Variants in CUBN observed in about 807,000 individuals in gnomAD.
The protein encoded by CUBN is cubilin, also known as 460 kDa receptor.
CUBN carries 282 observed loss-of-function variants against 405.3 expected under a neutral mutation model. The observed-to-expected ratio is 0.70, with a 90% CI of 0.63 to 0.77. CUBN has a LOEUF of 0.77. Ranked by LOEUF, CUBN falls within the 30% of genes least tolerant of loss-of-function variation. The pLI is 0.00. For synonymous variants in CUBN, 1,684 were observed against 1,617.0 expected (o/e 1.04, Z -0.99); for missense variants, 4,514 against 4,475.2 (o/e 1.01, Z -0.25).
At chr10:17,048,637 C>A (rs1028193288) in intron 22 of CUBN, among the ~76,000 whole-genome samples, 11 of 152,008 alleles carry the variant, frequency 7.2e-5, no homozygotes, top group Non-Finnish European at 1.5e-4. Context: ...ACCACCATGC[C>A]CAGCAAATAA....
intron 24 of CUBN, 152 bp from the exon 25 acceptor site, chr10:17,045,340 T>C (rs1835106437): frequency 1.3e-6 from 1 of 752,968 alleles, no homozygotes; most frequent in African/African-American, 1.8e-5. Flanking sequence ...AGCCTAAAAA[T>C]CCAATTTTTA....
intron 58 of CUBN, among the ~76,000 whole-genome samples, chr10:16,873,731 A>AG (rs1161976209): frequency 6.6e-6 from 1 of 151,764 alleles, no homozygotes; most frequent in East Asian, 1.9e-4. Flanking sequence ...CAAAAAAAAA[A>AG]AAAAAAGAAA....
chr10:16,827,313 C>A (rs561999332), intron 66 of CUBN, among the ~76,000 whole-genome samples: 85 of 152,142 alleles, frequency 5.6e-4, no homozygotes, highest in Non-Finnish European at 8.5e-4. Flanking sequence ...GTAGAAAAAA[C>A]ACACCATCAA....
Position 17,120,011 on chromosome 10 carries a change from T to G in CUBN, c.593+2784A>C, listed in dbSNP as rs540963781. ...GTCCAAGTAAAAGAGCTCAAAGAGT[T>G]AAAGAAACTGAATGAGGTCCAAACT... is the stretch of plus-strand genomic sequence containing the variant. On this transcript the variant is annotated intron_variant, in intron 6 of 66. Coordinates refer to ENST00000377833, the MANE Select transcript of CUBN (RefSeq NM_001081.4). 9.8e-5 allele frequency among the ~76,000 whole-genome samples: 15 copies of G among 152,322 alleles called. 1 individual carries two copies. Among genetic ancestry groups the G allele is most frequent in the Middle Eastern group, 3.4e-3 (1 of 294 alleles).
intron 59 of CUBN, among the ~76,000 whole-genome samples, chr10:16,867,941 T>C (rs770541506): frequency 2.6e-5 from 4 of 152,152 alleles, no homozygotes; most frequent in Non-Finnish European, 5.9e-5. Context: ...TGTGAGACTA[T>C]ATTAGGAAAA....
intron 57 of CUBN, among the ~76,000 whole-genome samples, chr10:16,874,876 C>A (rs1162956910): frequency 6.6e-6 from 1 of 152,008 alleles, no homozygotes; most frequent in East Asian, 1.9e-4. Flanking sequence ...ACGGAAAAGG[C>A]GGCCAGAATG....
intron 54 of CUBN, among the ~76,000 whole-genome samples, chr10:16,894,005 G>T (rs535715792): frequency 2.0e-5 from 3 of 152,122 alleles, no homozygotes; most frequent in Admixed American, 2.0e-4. Flanking sequence ...ATCTTTTCTG[G>T]TATTTATCAT....
intron 10 of CUBN, among the ~76,000 whole-genome samples, chr10:17,106,564 C>T (rs979612555): frequency 1.3e-5 from 2 of 148,618 alleles, no homozygotes; most frequent in Admixed American, 1.3e-4. Context: ...TGCCACTGCA[C>T]TCCAGCCTGG....
intron 22 of CUBN, among the ~76,000 whole-genome samples, chr10:17,049,832 T>C (rs1422319580): frequency 6.6e-6 from 1 of 152,234 alleles, no homozygotes; most frequent in Non-Finnish European, 1.5e-5. Flanking sequence ...TTTAGCATAA[T>C]AAAATTTTAT....
chr10:16,970,083 G>A (rs1564453826), intron 31 of CUBN, among the ~76,000 whole-genome samples: 2 of 152,112 alleles, frequency 1.3e-5, no homozygotes, highest in Non-Finnish European at 2.9e-5. Context: ...CCATGAAGAG[G>A]GTGAGGGGTG....
chr10:17,069,548 C>T (rs976440297), intron 19 of CUBN, among the ~76,000 whole-genome samples: 2 of 151,968 alleles, frequency 1.3e-5, no homozygotes, highest in African/African-American at 4.8e-5. Context: ...TTGTTTTTGG[C>T]ATTTCTTTTT....
At chr10:17,044,038 G>A (rs1588606874) in intron 25 of CUBN, 55 bp from the exon 26 acceptor site, 3 of 1,438,252 alleles carry the variant, frequency 2.1e-6, no homozygotes, top group African/African-American at 1.4e-5. Context: ...ATTATGTAAA[G>A]GACTATAATC....
intron 22 of CUBN, among the ~76,000 whole-genome samples, chr10:17,052,786 AAG>A (rs71505102): frequency 1.2e-4 from 13 of 110,912 alleles, no homozygotes; most frequent in South Asian, 5.9e-4. Context: ...AAAAAAAAAA[AAG>A]AGAGAGAGAG....
intron 10 of CUBN, among the ~76,000 whole-genome samples, chr10:17,107,087 A>G (rs1320230944): frequency 6.6e-6 from 1 of 152,202 alleles, no homozygotes; most frequent in African/African-American, 2.4e-5. Context: ...GATCGTGTCT[A>G]TTTAAAACAT....
chr10:17,009,869 G>A (rs1437739274), intron 28 of CUBN, among the ~76,000 whole-genome samples: 1 of 152,162 alleles, frequency 6.6e-6, no homozygotes, highest in Non-Finnish European at 1.5e-5. Context: ...TTTAGATCTT[G>A]CTATTATCCT....
intron 56 of CUBN, among the ~76,000 whole-genome samples, chr10:16,878,856 T>C (rs1191008778): frequency 1.3e-5 from 2 of 152,232 alleles, no homozygotes; most frequent in Non-Finnish European, 2.9e-5. Flanking sequence ...CTTAATATAA[T>C]GTTTTTGAGT....
intron 29 of CUBN, among the ~76,000 whole-genome samples, chr10:16,989,596 C>CA (rs1378488967): frequency 1.3e-5 from 2 of 150,696 alleles, no homozygotes; most frequent in Non-Finnish European, 1.5e-5. Flanking sequence ...TATATACACA[C>CA]ACACACACAT....
At chr10:17,020,311 G>C (rs75668056) in intron 27 of CUBN, among the ~76,000 whole-genome samples, 1 of 151,986 alleles carries the variant, frequency 6.6e-6, no homozygotes, top group African/African-American at 2.4e-5. Flanking sequence ...CAACACATAG[G>C]GGGGCTCAAT....
At position 16,940,155 on chromosome 10, in the gene CUBN, C is replaced by T. The variant is rs750445525; in HGVS notation, c.5425G>A (p.Gly1809Arg). ...REGNATGHLVGRYCGNSFPLN... is the reference protein window; with the variant it reads ...REGNATGHLVRRYCGNSFPLN... The stretch of plus-strand genomic sequence containing the variant: ...GGGAAGGAGTTTCCACAGTATCGTC[C>T]CACCAAGTGACCCGTGGCATTTCCT... Residue 1809 changes from glycine (G) to arginine (R), a missense_variant, in exon 37 of 67, where the codon GGA becomes AGA. Gly to Arg is a moderately radical substitution (Grantham distance 125). Around this residue, in one of 5 missense-constraint regions of CUBN, gnomAD observed 1,613 missense variants for 1,542.8 expected, o/e 1.05. Transcript: ENST00000377833. The T allele has an allele frequency of 6.2e-7, 1 of 1,614,080 alleles. No individual in the cohort carries two copies. Among genetic ancestry groups the T allele is most frequent in the Non-Finnish European group, 8.5e-7 (1 of 1,179,960 alleles).
Sources: gnomAD v4.1 joint callset for allele counts (sites outside exome capture counted in the v4.1 genomes callset) on GRCh38, gnomAD v4.1.1 for gene constraint, gnomAD v4.1.1 regional missense constraint, MANE v1.5 for transcripts, NCBI Gene and HGNC (gene_info 2026-07-23, HGNC 2026-07-21) for gene names.